The following RALYL variants were observed in gnomAD, a reference collection of about 807,000 sequenced individuals.
RALYL encodes the protein RNA-binding Raly-like protein.
In RALYL, 29 loss-of-function variants were observed where a neutral mutation model predicts 35.1. The ratio of observed to expected loss-of-function variants is 0.83; its 90% CI spans 0.61 to 1.13. The LOEUF is 1.13. Ranked by LOEUF, RALYL falls within the 50% of genes most tolerant of loss-of-function variation. The probability of loss-of-function intolerance (pLI) is 0.00; values close to 1 mark genes in which losing one functional copy is unlikely to be tolerated. For missense variants in RALYL, 359 were observed against 360.4 expected (o/e 1.00, Z 0.03); for synonymous variants, 120 against 127.6 (o/e 0.94, Z 0.40).
intron 4 of RALYL, among the ~76,000 whole-genome samples, chr8:84,820,217 C>T (rs1011265192): frequency 3.9e-5 from 6 of 152,084 alleles, no homozygotes; most frequent in Non-Finnish European, 8.8e-5. Context: ...CAATCCTCAC[C>T]ATTTATTTAT....
chr8:84,809,981 A>C (rs1423760934), intron 4 of RALYL, among the ~76,000 whole-genome samples: 2 of 151,816 alleles, frequency 1.3e-5, no homozygotes, highest in Non-Finnish European at 2.9e-5. Flanking sequence ...TTTCAATTTC[A>C]TTTAGTTCTG....
intron 1 of RALYL, among the ~76,000 whole-genome samples, chr8:84,464,768 G>T (rs2051324231): frequency 1.3e-5 from 2 of 150,188 alleles, no homozygotes; most frequent in South Asian, 2.1e-4. Context: ...CAGTGTAAAA[G>T]TGTTCCTATT....
At chr8:84,835,588 CAGG>C (rs1280578319) in intron 4 of RALYL, among the ~76,000 whole-genome samples, 1 of 142,874 alleles carries the variant, frequency 7.0e-6, no homozygotes, top group Non-Finnish European at 1.5e-5. Context: ...GAGGCTGAGA[CAGG>C]AGAATTGCTT....
chr8:84,597,347 T>C (rs1279444071), intron 2 of RALYL, among the ~76,000 whole-genome samples: 1 of 152,176 alleles, frequency 6.6e-6, no homozygotes, highest in Non-Finnish European at 1.5e-5. Context: ...AAAACTTACA[T>C]AGATTTTGTG....
chr8:84,869,013 T>A (rs1563777139), intron 6 of RALYL, among the ~76,000 whole-genome samples: 1 of 151,086 alleles, frequency 6.6e-6, no homozygotes, highest in African/African-American at 2.4e-5. Flanking sequence ...TATAGGATAT[T>A]TATATATATA....
intron 2 of RALYL, among the ~76,000 whole-genome samples, chr8:84,770,048 T>C (rs1029189545): frequency 6.6e-6 from 1 of 152,158 alleles, no homozygotes; most frequent in Admixed American, 6.6e-5. Context: ...CCTTCTTTTT[T>C]TAGAAAAATG....
chr8:84,794,390 GCA>G (rs1283126038), intron 3 of RALYL, among the ~76,000 whole-genome samples: 1 of 152,184 alleles, frequency 6.6e-6, no homozygotes, highest in Admixed American at 6.5e-5. Flanking sequence ...TTGACAGAAG[GCA>G]CAGTTTCTCT....
chr8:84,554,149 A>T (rs1054329867), intron 2 of RALYL, among the ~76,000 whole-genome samples: 2 of 152,190 alleles, frequency 1.3e-5, no homozygotes, highest in Non-Finnish European at 2.9e-5. Flanking sequence ...CAAAATTCCT[A>T]AAAAAATTAA....
intron 1 of RALYL, among the ~76,000 whole-genome samples, chr8:84,358,487 A>G (rs1586578421): frequency 2.0e-5 from 3 of 152,120 alleles, no homozygotes; most frequent in African/African-American, 7.2e-5. Context: ...GATGTTTCAG[A>G]TAAGGGAATA....
At chr8:84,320,441 TACAC>T (rs772488404) in intron 1 of RALYL, among the ~76,000 whole-genome samples, 2 of 150,544 alleles carry the variant, frequency 1.3e-5, no homozygotes, top group African/African-American at 4.9e-5. Context: ...TACATGCACA[TACAC>T]ACACTTATGT....
chr8:84,914,475 A>T (rs1162255221), intron 8 of RALYL, among the ~76,000 whole-genome samples: 2 of 152,064 alleles, frequency 1.3e-5, no homozygotes, highest in Admixed American at 6.6e-5. Flanking sequence ...CTCAAAATAC[A>T]ATCATCATTA....
At chr8:84,542,276 C>A (rs977381849) in intron 2 of RALYL, among the ~76,000 whole-genome samples, 4 of 151,944 alleles carry the variant, frequency 2.6e-5, no homozygotes, top group African/African-American at 4.8e-5. Flanking sequence ...AAGTAAATTC[C>A]AAATCTCAGA....
At chr8:84,907,841 AAATAT>A (rs1309298389) in intron 8 of RALYL, among the ~76,000 whole-genome samples, 1 of 152,140 alleles carries the variant, frequency 6.6e-6, no homozygotes, top group Non-Finnish European at 1.5e-5. Flanking sequence ...TATTTAAAAT[AAATAT>A]AATGAAAGGA....
At chr8:84,427,419 T>C (rs1336372625) in intron 1 of RALYL, among the ~76,000 whole-genome samples, 1 of 152,262 alleles carries the variant, frequency 6.6e-6, no homozygotes, top group Non-Finnish European at 1.5e-5. Flanking sequence ...AGTTAGATTG[T>C]AAGCTTGTTC....
intron 2 of RALYL, among the ~76,000 whole-genome samples, chr8:84,687,172 A>G (rs1836977489): frequency 1.3e-5 from 2 of 152,174 alleles, no homozygotes; most frequent in Non-Finnish European, 2.9e-5. Flanking sequence ...GGTTTAACCT[A>G]TTCTATTTCA....
intron 1 of RALYL, among the ~76,000 whole-genome samples, chr8:84,450,889 TAATA>T (rs1365572875): frequency 6.6e-6 from 1 of 151,986 alleles, no homozygotes; most frequent in Non-Finnish European, 1.5e-5. Flanking sequence ...AAAAAATTGA[TAATA>T]AATCTTTTCT....
intron 1 of RALYL, among the ~76,000 whole-genome samples, chr8:84,428,093 C>CTG (rs2046709875): frequency 7.6e-6 from 1 of 132,420 alleles, no homozygotes; most frequent in South Asian, 2.9e-4. Context: ...CTCTCTCTCT[C>CTG]TCTCTCTCTC....
At position 84,336,701 on chromosome 8, in the gene RALYL, C is replaced by G. The variant is rs150498659; in HGVS notation, c.-24+152277C>G. ...AGATGAGAAGTTCCAAAGAAACAAGCCTTATTTCCTTTTCGTGGTATTAAA... is the reference window on the plus strand; with the variant it reads ...AGATGAGAAGTTCCAAAGAAACAAGGCTTATTTCCTTTTCGTGGTATTAAA... On this transcript the variant is annotated intron_variant, in intron 1 of 8. Transcript: ENST00000521268. Among the ~76,000 whole-genome samples the G allele has an allele frequency of 9.9e-4, 151 of 152,088 alleles. 1 individual carries two copies. The East Asian group carries it at 0.016, about 16-fold the overall frequency.
chr8:84,669,942 C>T (rs1832886125), intron 2 of RALYL, among the ~76,000 whole-genome samples: 1 of 152,160 alleles, frequency 6.6e-6, no homozygotes, highest in South Asian at 2.1e-4. Flanking sequence ...TCAACCGATT[C>T]CTAGTCTTTT....
Sources: gnomAD v4.1 joint callset for allele counts (sites outside exome capture counted in the v4.1 genomes callset) on GRCh38, gnomAD v4.1.1 for gene constraint, MANE v1.5 for transcripts, NCBI Gene and HGNC (gene_info 2026-07-23, HGNC 2026-07-21) for gene names.